Variants in SYNE1 observed in about 807,000 individuals in gnomAD.
The protein encoded by SYNE1 is nesprin-1.
SYNE1 carries 616 observed loss-of-function variants against 1,111.0 expected under a neutral mutation model. The ratio of observed to expected loss-of-function variants is 0.55; its 90% CI spans 0.52 to 0.59. SYNE1 has a LOEUF of 0.59. Ranked by LOEUF, SYNE1 falls within the 20% of genes least tolerant of loss-of-function variation. The pLI, the probability that SYNE1 is intolerant of heterozygous loss-of-function variation, is 0.00. For missense variants in SYNE1, 10,006 were observed against 10,417.0 expected (o/e 0.96, Z 1.72); for synonymous variants, 3,855 against 3,825.8 (o/e 1.01, Z -0.28).
At chr6:152,296,860 G>GTAGTCCC (rs1388923028) in intron 93 of SYNE1, among the ~76,000 whole-genome samples, 2 of 151,958 alleles carry the variant, frequency 1.3e-5, no homozygotes, top group Admixed American at 1.3e-4. Flanking sequence ...CCAGGCCTCT[G>GTAGTCCC]TAGTCCCTCC....
At chr6:152,520,651 G>C in intron 5 of SYNE1, 109 bp from the exon 6 acceptor site, 1 of 1,227,780 alleles carries the variant, frequency 8.1e-7, no homozygotes, top group Non-Finnish European at 1.2e-6. Context: ...ATATTCAAAA[G>C]CAACCAACAT....
rs185356229 is a variant in SYNE1 at position 152,387,474 on chromosome 6, T to G, written c.8178-93A>C. On this transcript the variant is annotated intron_variant, in intron 53 of 145. Coordinates refer to ENST00000367255, the MANE Select transcript of SYNE1 (RefSeq NM_182961.4). The stretch of plus-strand genomic sequence containing the variant: ...AGTCGTGACATCCATGCCAATTGTT[T>G]TATTGAATGCTACTGGAAGTGATGA... 2,069 of 1,282,406 alleles carry G rather than the reference T, an allele frequency of 1.6e-3. 59 individuals are homozygous for G. The Admixed American group carries it at 0.035, about 22-fold the overall frequency. 79.4% of individuals were successfully genotyped at this position (1,282,406 alleles called of 1,614,324 possible). A position where few individuals can be genotyped will look rare whatever the true frequency, so the allele number is the denominator to read the frequency against.
chr6:152,213,531 A>G lies in SYNE1; in HGVS notation c.22494+81T>C. 3.3e-6 allele frequency: 5 copies of G among 1,502,064 alleles called. No homozygotes were observed. In the South Asian group the frequency reaches 4.5e-5, roughly 14 times the overall value. 93.0% of individuals were successfully genotyped at this position (1,502,064 alleles called of 1,614,324 possible). A position where few individuals can be genotyped will look rare whatever the true frequency, so the allele number is the denominator to read the frequency against. On this transcript the variant is annotated intron_variant, in intron 123 of 145. Coordinates refer to ENST00000367255, the MANE Select transcript of SYNE1 (RefSeq NM_182961.4). Reference sequence around the variant, plus strand: ...CACTCGTGCAAAGGGCATGATTTTAATTCTCCCACACAGCATTTCGTAGCA... The same window carrying G: ...CACTCGTGCAAAGGGCATGATTTTAGTTCTCCCACACAGCATTTCGTAGCA...
intron 14 of SYNE1, among the ~76,000 whole-genome samples, chr6:152,474,044 G>C (rs765997345): frequency 2.0e-5 from 3 of 152,032 alleles, no homozygotes; most frequent in Admixed American, 6.6e-5. Flanking sequence ...AATTAGCCAG[G>C]CATGGTGGCG....
At chr6:152,380,435 G>T (rs921157869) in intron 56 of SYNE1, 34 of 152,050 alleles carry the variant, frequency 2.2e-4, no homozygotes, top group African/African-American at 8.4e-4. Context: ...TAAAGAAGCT[G>T]CCATTAGCTT....
At chr6:152,397,111 C>G in intron 49 of SYNE1, 131 bp from the exon 50 acceptor site, 3 of 881,622 alleles carry the variant, frequency 3.4e-6, no homozygotes, top group Non-Finnish European at 5.5e-6. Flanking sequence ...AAAAATGATG[C>G]ATACAATTGG....
intron 29 of SYNE1, among the ~76,000 whole-genome samples, chr6:152,445,383 TA>T: frequency 6.6e-6 from 1 of 152,262 alleles, no homozygotes; most frequent in Middle Eastern, 3.4e-3. Flanking sequence ...ATCATTTCCC[TA>T]AATTTTGAAT....
chr6:152,492,595 G>A (rs1051234580), intron 11 of SYNE1, among the ~76,000 whole-genome samples: 1 of 152,172 alleles, frequency 6.6e-6, no homozygotes, highest in Non-Finnish European at 1.5e-5. Flanking sequence ...TGTCCAACTT[G>A]CCTGGAAGCC....
chr6:152,282,093 A>T, intron 96 of SYNE1, 113 bp from the exon 97 acceptor site: 2 of 1,148,442 alleles, frequency 1.7e-6, no homozygotes, highest in Non-Finnish European at 2.5e-6. Context: ...CACTGGTAAA[A>T]CTTTTAAAAA....
At chr6:152,452,993 C>T (rs1035033159) in intron 25 of SYNE1, among the ~76,000 whole-genome samples, 3 of 152,276 alleles carry the variant, frequency 2.0e-5, no homozygotes, top group African/African-American at 4.8e-5. Flanking sequence ...CAAGTGGTTC[C>T]ACCTCCCTCT....
chr6:152,447,706 G>C, intron 28 of SYNE1, 84 bp from the exon 29 acceptor site: 1 of 1,544,916 alleles, frequency 6.5e-7, no homozygotes, highest in African/African-American at 1.4e-5. Flanking sequence ...GCCTAAAAAG[G>C]TTTGCAGGTG....
At chr6:152,442,307 A>G in intron 30 of SYNE1, 62 bp from the exon 31 acceptor site, 4 of 1,592,390 alleles carry the variant, frequency 2.5e-6, no homozygotes, top group Non-Finnish European at 3.4e-6. Flanking sequence ...AAGTAGGGAC[A>G]TCAACACCCA....
At chr6:152,324,663 G>A (rs2096002585) in intron 81 of SYNE1, among the ~76,000 whole-genome samples, 1 of 152,024 alleles carries the variant, frequency 6.6e-6, no homozygotes, top group South Asian at 2.1e-4. Context: ...GCGTGGTGGC[G>A]GGCGCCTGTA....
In SYNE1 at chr6:152,251,746, G is replaced by A. The variant is rs543256679; in HGVS notation, c.19471-2484C>T. On this transcript the variant is annotated intron_variant, in intron 104 of 145. Transcript: ENST00000367255. ...TGCACTCCAGCCTGGGTGACAGAGC[G>A]AGACTCCGTCTCAAAAAAAATAAAA... 2.2e-4 allele frequency among the ~76,000 whole-genome samples: 33 copies of A among 151,998 alleles called. 1 individual carries two copies. In the South Asian group the frequency reaches 6.0e-3, roughly 28 times the overall value.
intron 103 of SYNE1, 87 bp from the exon 104 acceptor site, chr6:152,255,176 G>T: frequency 8.7e-7 from 1 of 1,146,506 alleles, no homozygotes; most frequent in Non-Finnish European, 1.3e-6. Flanking sequence ...AAGTCAACTA[G>T]ATCTCTCTGG....
At chr6:152,620,980 G>A (rs2099674110) in intron 3 of SYNE1, among the ~76,000 whole-genome samples, 1 of 152,186 alleles carries the variant, frequency 6.6e-6, no homozygotes, top group African/African-American at 2.4e-5. Context: ...GCTATAAAGA[G>A]CTAGAGGGGT....
intron 61 of SYNE1, chr6:152,367,668 G>T: frequency 2.4e-6 from 1 of 421,248 alleles, no homozygotes; most frequent in Non-Finnish European, 4.4e-6. Context: ...CTAATGCCTT[G>T]TCTGGGAGAC....
chr6:152,472,116 C>T (rs1474024329), intron 15 of SYNE1, 185 bp downstream of exon 15: 1 of 624,824 alleles, frequency 1.6e-6, no homozygotes, highest in South Asian at 2.1e-5. Flanking sequence ...TTCAGAGTCA[C>T]TCTTTTCAGT....
chr6:152,201,449 T>G (rs2075409275), intron 127 of SYNE1, among the ~76,000 whole-genome samples: 1 of 151,402 alleles, frequency 6.6e-6, no homozygotes. Flanking sequence ...GGCCACTGTC[T>G]GCAGATTTTC....
Sources: gnomAD v4.1 joint callset for allele counts (sites outside exome capture counted in the v4.1 genomes callset) on GRCh38, gnomAD v4.1.1 for gene constraint, MANE v1.5 for transcripts, NCBI Gene and HGNC (gene_info 2026-07-23, HGNC 2026-07-21) for gene names.